Variants in TET2 observed in about 807,000 individuals in gnomAD.
TET2 encodes the protein tet methylcytosine dioxygenase 2.
TET2 carries 299 observed loss-of-function variants against 142.9 expected under a neutral mutation model. The observed-to-expected ratio is 2.09, with a 90% confidence interval of 1.90 to 2.30. The LOEUF is 2.30. Ranked by LOEUF, TET2 falls within the 30% of genes most tolerant of loss-of-function variation. TET2 has a pLI of 0.00. For missense variants in TET2, 2,418 were observed against 2,378.0 expected, an observed-to-expected ratio of 1.02 and a Z score of -0.35; for synonymous variants, 819 against 849.0, an observed-to-expected ratio of 0.96 and a Z score of 0.61.
Position 105,272,663 on chromosome 4 carries a change from G to T in TET2, c.4282G>T (p.Glu1428Ter). The T allele has an allele frequency of 6.4e-7, 1 of 1,551,710 alleles. No individual in the cohort carries two copies. Among genetic ancestry groups the T allele is most frequent in the Non-Finnish European group, 8.7e-7 (1 of 1,146,980 alleles). ...TTTATACAAAGTCTCTGACGTGGAT[G>T]AGTTTGGGAGTGTGGAAGCTCAGGA... Reference protein sequence around the residue: ...LPLYKVSDVDEFGSVEAQEEK... With the variant: ...LPLYKVSDVD Residue 1428 changes from glutamate to a stop codon, truncating the protein, a stop_gained, in exon 10 of 11, where the codon GAG (glutamate) becomes TAG (stop). Coordinates refer to ENST00000380013, the MANE Select transcript of TET2 (RefSeq NM_001127208.3). LOFTEE classifies it high-confidence loss of function.
intron 1 of TET2, among the ~76,000 whole-genome samples, chr4:105,180,192 C>G (rs558646275): frequency 2.6e-5 from 4 of 152,300 alleles, no homozygotes; most frequent in South Asian, 2.1e-4. Context: ...TTTCTCATGG[C>G]CTATGAACCT....
intron 1 of TET2, among the ~76,000 whole-genome samples, chr4:105,153,323 G>GT (rs750891661): frequency 6.6e-6 from 1 of 152,098 alleles, no homozygotes; most frequent in Non-Finnish European, 1.5e-5. Flanking sequence ...ATTTGTGTGT[G>GT]TTTTGTTTTA....
intron 4 of TET2, chr4:105,242,543 T>C: frequency 8.6e-7 from 1 of 1,164,438 alleles, no homozygotes. Context: ...CTAACCTGAA[T>C]TTTGTGCTTT....
intron 2 of TET2, among the ~76,000 whole-genome samples, chr4:105,226,637 C>T (rs1436230654): frequency 6.6e-6 from 1 of 151,550 alleles, no homozygotes. Flanking sequence ...GTCCTTCCCT[C>T]CCTCTTCCTC....
intron 9 of TET2, among the ~76,000 whole-genome samples, chr4:105,270,342 G>A (rs1009825884): frequency 9.2e-5 from 14 of 152,298 alleles, no homozygotes; most frequent in Admixed American, 3.9e-4. Context: ...TGAGAATCAT[G>A]GAAATCCTTG....
intron 1 of TET2, among the ~76,000 whole-genome samples, chr4:105,152,598 C>CTTTTTT (rs869064512): frequency 4.2e-5 from 1 of 23,536 alleles, no homozygotes; most frequent in Non-Finnish European, 9.0e-5. Context: ...TTCTTTCTTT[C>CTTTTTT]TTTTTTTTTT....
chr4:105,206,012 C>A (rs1726800554), intron 2 of TET2, among the ~76,000 whole-genome samples: 1 of 152,162 alleles, frequency 6.6e-6, no homozygotes, highest in South Asian at 2.1e-4. Context: ...CTTAAAAGAT[C>A]AGGTCATGCC....
intron 8 of TET2, among the ~76,000 whole-genome samples, chr4:105,264,430 T>TAATC: frequency 6.6e-6 from 1 of 152,328 alleles, no homozygotes; most frequent in African/African-American, 2.4e-5. Flanking sequence ...TAGGTGCTGT[T>TAATC]AATCAAATGG....
In TET2 at chr4:105,204,354, T is replaced by G. The variant is rs534375626; in HGVS notation, c.-47+13849T>G. Reference sequence around the variant, plus strand: ...CTTCCTCAAGGACAAGAATCTTGAATCCTTAGTGCATATGAGGTACTTAAT... The same window carrying G: ...CTTCCTCAAGGACAAGAATCTTGAAGCCTTAGTGCATATGAGGTACTTAAT... On this transcript the variant is annotated intron_variant, in intron 2 of 10. Transcript: ENST00000380013. Among the ~76,000 whole-genome samples the G allele has an allele frequency of 5.8e-4, 88 of 152,130 alleles. 1 individual carries two copies. The highest frequency in any genetic ancestry group is 1.0e-3 in the Non-Finnish European group (71 of 67,998).
At chr4:105,188,970 T>A (rs1187881652) in intron 1 of TET2, among the ~76,000 whole-genome samples, 1 of 152,108 alleles carries the variant, frequency 6.6e-6, no homozygotes, top group Non-Finnish European at 1.5e-5. Context: ...TAATTTTTTT[T>A]AATATACTAA....
chr4:105,195,473 G>A (rs1288607974), intron 2 of TET2, among the ~76,000 whole-genome samples: 1 of 152,060 alleles, frequency 6.6e-6, no homozygotes, highest in Non-Finnish European at 1.5e-5. Context: ...AGTATCTGTG[G>A]GAGATTGGTT....
chr4:105,228,941 A>G (rs1471146428), intron 2 of TET2, among the ~76,000 whole-genome samples: 2 of 152,160 alleles, frequency 1.3e-5, no homozygotes, highest in Non-Finnish European at 2.9e-5. Context: ...CAAATTTTCT[A>G]CTTGTTCAAT....
At chr4:105,256,020 A>G (rs918492047) in intron 6 of TET2, among the ~76,000 whole-genome samples, 2 of 152,122 alleles carry the variant, frequency 1.3e-5, no homozygotes, top group African/African-American at 4.8e-5. Context: ...TTGTTCCCAT[A>G]TAGCTACATT....
rs970375233 is a variant in TET2 at position 105,236,014 on chromosome 4, C to A, written c.2072C>A (p.Thr691Asn). 3 of 1,614,042 alleles carry A rather than the reference C, an allele frequency of 1.9e-6. No individual in the cohort carries two copies. In the African/African-American group the frequency reaches 4.0e-5, roughly 22 times the overall value. ...TTTCAACAAAGAGCAGATTCCCAAA[C>A]TGAAAAACTTATGTCCCCAGTGTTG... is the stretch of plus-strand genomic sequence containing the variant. ...FHFQQRADSQ[T>N]EKLMSPVLKQ... Residue 691 changes from threonine (T) to asparagine (N), a missense_variant, in exon 3 of 11, where the codon ACT becomes AAT. Coordinates refer to ENST00000380013, the MANE Select transcript of TET2 (RefSeq NM_001127208.3).
rs1263712722 is a variant in TET2, at chr4:105,279,189, T to C, written c.*2670T>C. 4.3e-6 allele frequency: 1 copy of C among 232,386 alleles called. No individual in the cohort carries two copies. Among genetic ancestry groups the C allele is most frequent in the Non-Finnish European group, 8.5e-6 (1 of 117,598 alleles). 14.4% of individuals were successfully genotyped at this position (232,386 alleles called of 1,614,324 possible). A position where few individuals can be genotyped will look rare whatever the true frequency, so the allele number is the denominator to read the frequency against. The stretch of plus-strand genomic sequence containing the variant: ...GCCCCAAACATTTGATTACTACATG[T>C]GCATTGGTGATTTTGATCATCCATT... On this transcript the variant is annotated 3_prime_UTR_variant, in exon 11 of 11. Coordinates refer to ENST00000380013, the MANE Select transcript of TET2 (RefSeq NM_001127208.3).
intron 1 of TET2, among the ~76,000 whole-genome samples, chr4:105,156,284 T>C (rs1176610668): frequency 2.0e-5 from 3 of 152,156 alleles, no homozygotes; most frequent in Non-Finnish European, 4.4e-5. Flanking sequence ...AGAAGAAAAA[T>C]GGGCTGTGAA....
intron 6 of TET2, among the ~76,000 whole-genome samples, chr4:105,252,456 A>G (rs1729917562): frequency 2.0e-5 from 3 of 152,316 alleles, no homozygotes; most frequent in South Asian, 2.1e-4. Context: ...AGTTTTGACA[A>G]TTATGAATAA....
intron 6 of TET2, among the ~76,000 whole-genome samples, chr4:105,252,277 G>C (rs1298973354): frequency 6.6e-6 from 1 of 152,152 alleles, no homozygotes; most frequent in Non-Finnish European, 1.5e-5. Flanking sequence ...GAATGATACA[G>C]TATATGGAGC....
intron 2 of TET2, among the ~76,000 whole-genome samples, chr4:105,213,844 G>C (rs958558857): frequency 6.6e-6 from 1 of 152,090 alleles, no homozygotes; most frequent in Non-Finnish European, 1.5e-5. Context: ...CTGCTCACAG[G>C]CTCAATAAGT....
Sources: gnomAD v4.1 joint callset for allele counts (sites outside exome capture counted in the v4.1 genomes callset) on GRCh38, gnomAD v4.1.1 for gene constraint, MANE v1.5 for transcripts, NCBI Gene and HGNC (gene_info 2026-07-23, HGNC 2026-07-21) for gene names.